Variants in ERBB4 observed in about 807,000 individuals in gnomAD.
The protein encoded by ERBB4 is erb-b2 receptor tyrosine kinase 4, also known as receptor tyrosine-protein kinase erbB-4.
Under a neutral mutation model 158.0 loss-of-function variants are expected in ERBB4, and 42 were observed. The observed-to-expected ratio is 0.27, with a 90% CI of 0.21 to 0.34. ERBB4 has a LOEUF of 0.34. Among genes scored for constraint, ERBB4 ranks in the 10% least tolerant of loss-of-function variants. The pLI, the probability that ERBB4 is intolerant of heterozygous loss-of-function variation, is 1.00. For missense variants in ERBB4, 1,333 were observed against 1,624.1 expected, an observed-to-expected ratio of 0.82 and a Z score of 3.08; for synonymous variants, 583 against 558.7, an observed-to-expected ratio of 1.04 and a Z score of -0.61.
intron 2 of ERBB4, among the ~76,000 whole-genome samples, chr2:212,109,909 T>C (rs2079352029): frequency 6.6e-6 from 1 of 152,158 alleles, no homozygotes; most frequent in Non-Finnish European, 1.5e-5. Flanking sequence ...AGCTTAATTA[T>C]CTTTAAAGTT....
At chr2:212,164,242 T>C (rs12470342) in intron 1 of ERBB4, among the ~76,000 whole-genome samples, 14,903 of 152,052 alleles carry the variant, frequency 0.098, 973 homozygotes, top group South Asian at 0.27. Flanking sequence ...AATTGATATG[T>C]GCTATTAAGT....
intron 1 of ERBB4, among the ~76,000 whole-genome samples, chr2:212,192,753 AC>A (rs1298459406): frequency 6.6e-6 from 1 of 151,972 alleles, no homozygotes; most frequent in Non-Finnish European, 1.5e-5. Flanking sequence ...CAGCTAGTCC[AC>A]CTGATATCTG....
intron 3 of ERBB4, among the ~76,000 whole-genome samples, chr2:211,885,748 C>A (rs1211551197): frequency 6.6e-6 from 1 of 152,136 alleles, no homozygotes; most frequent in Admixed American, 6.5e-5. Flanking sequence ...TGTGAGCCAC[C>A]GTGCCTGGCC....
intron 1 of ERBB4, among the ~76,000 whole-genome samples, chr2:212,243,888 T>C (rs1292639984): frequency 6.6e-6 from 1 of 152,200 alleles, no homozygotes; most frequent in African/African-American, 2.4e-5. Context: ...ATGATCTTAA[T>C]GATCCCTAGT....
At chr2:211,749,005 T>G (rs1039153097) in intron 5 of ERBB4, among the ~76,000 whole-genome samples, 1 of 152,226 alleles carries the variant, frequency 6.6e-6, no homozygotes, top group East Asian at 1.9e-4. Flanking sequence ...TCATCTTATT[T>G]AAAAGCCTGT....
intron 1 of ERBB4, among the ~76,000 whole-genome samples, chr2:212,286,894 A>G (rs1424179244): frequency 1.3e-5 from 2 of 149,780 alleles, no homozygotes; most frequent in Non-Finnish European, 3.0e-5. Flanking sequence ...TACGGGCGTG[A>G]GCCACCGTGC....
chr2:212,306,097 T>C (rs1257198681), intron 1 of ERBB4, among the ~76,000 whole-genome samples: 1 of 151,496 alleles, frequency 6.6e-6, no homozygotes, highest in Non-Finnish European at 1.5e-5. Flanking sequence ...ACATTCCCAG[T>C]TGAATGCTTT....
intron 20 of ERBB4, among the ~76,000 whole-genome samples, chr2:211,526,565 C>G (rs1395714182): frequency 6.6e-6 from 1 of 151,996 alleles, no homozygotes; most frequent in Non-Finnish European, 1.5e-5. Context: ...TCTTCAATGC[C>G]CAGACAGTGA....
intron 3 of ERBB4, among the ~76,000 whole-genome samples, chr2:211,888,599 G>A (rs957145694): frequency 2.0e-5 from 3 of 152,128 alleles, no homozygotes; most frequent in Admixed American, 6.5e-5. Context: ...CGTGAGCGAC[G>A]CAGAAGACGG....
chr2:211,560,466 G>A (rs1240033955), intron 20 of ERBB4, among the ~76,000 whole-genome samples: 1 of 151,398 alleles, frequency 6.6e-6, no homozygotes, highest in Non-Finnish European at 1.5e-5. Context: ...TAGAGATGGG[G>A]TTTCTCCATG....
chr2:211,697,115 T>C (rs1231022911), intron 12 of ERBB4, among the ~76,000 whole-genome samples: 9 of 147,976 alleles, frequency 6.1e-5, no homozygotes, highest in Admixed American at 4.7e-4. Flanking sequence ...GTATGTATAC[T>C]CATCTGCAAA....
chr2:212,057,609 A>C (rs574343692), intron 2 of ERBB4, among the ~76,000 whole-genome samples: 1 of 152,216 alleles, frequency 6.6e-6, no homozygotes, highest in Non-Finnish European at 1.5e-5. Flanking sequence ...TCAAACTAGA[A>C]CTCAGGATTA....
chr2:212,493,617 TTTA>T (rs1161940436), intron 1 of ERBB4, among the ~76,000 whole-genome samples: 3 of 151,752 alleles, frequency 2.0e-5, no homozygotes, highest in African/African-American at 4.8e-5. Flanking sequence ...CAATTTTTAA[TTTA>T]TGTTCTTTGA....
intron 4 of ERBB4, among the ~76,000 whole-genome samples, chr2:211,761,702 T>A (rs2075418506): frequency 6.6e-6 from 1 of 152,214 alleles, no homozygotes; most frequent in Non-Finnish European, 1.5e-5. Flanking sequence ...CATTTATTTC[T>A]AAAGGAGAAT....
intron 1 of ERBB4, among the ~76,000 whole-genome samples, chr2:212,420,454 C>A (rs2091767409): frequency 6.6e-6 from 1 of 152,010 alleles, no homozygotes; most frequent in African/African-American, 2.4e-5. Context: ...ATAATGTCTG[C>A]CTTATTTGGT....
At chr2:211,992,360 T>A (rs143575319) in intron 2 of ERBB4, among the ~76,000 whole-genome samples, 4,856 of 152,014 alleles carry the variant, frequency 0.032, 77 homozygotes, top group African/African-American at 0.048. Context: ...TCAGATCTCA[T>A]GAGACTTATT....
chr2:211,570,191 G>A (rs753554471), intron 19 of ERBB4, among the ~76,000 whole-genome samples: 3 of 151,914 alleles, frequency 2.0e-5, no homozygotes, highest in Non-Finnish European at 4.4e-5. Flanking sequence ...TCACTCTATT[G>A]CCCAGGCTAG....
At chr2:211,813,424 G>A (rs1364489251) in intron 3 of ERBB4, among the ~76,000 whole-genome samples, 1 of 152,050 alleles carries the variant, frequency 6.6e-6, no homozygotes, top group Admixed American at 6.5e-5. Flanking sequence ...ATTCAGCAGG[G>A]ACACATTTTA....
At chr2:212,279,378 T>C (rs563122657) in intron 1 of ERBB4, among the ~76,000 whole-genome samples, 1 of 151,778 alleles carries the variant, frequency 6.6e-6, no homozygotes, top group South Asian at 2.1e-4. Flanking sequence ...AGAACGCTGC[T>C]GATTTCTATT....
Sources: allele counts gnomAD v4.1 joint callset (sites outside exome capture counted in the v4.1 genomes callset), GRCh38; gene constraint gnomAD v4.1.1; transcripts MANE v1.5; gene names NCBI Gene and HGNC (gene_info 2026-07-23, HGNC 2026-07-21).